The following IL17B variants were observed in gnomAD, a reference collection of about 807,000 sequenced individuals.
The protein encoded by IL17B is interleukin-17B.
A neutral mutation model predicts 14.7 loss-of-function variants in IL17B; 14 were observed. The ratio of observed to expected loss-of-function variants is 0.95; its 90% CI spans 0.63 to 1.49. The LOEUF is 1.49. Among genes scored for constraint, IL17B ranks in the 40% most tolerant of loss-of-function variants. IL17B has a pLI of 0.00. For missense variants in IL17B, 233 were observed against 252.8 expected (o/e 0.92, Z 0.53); for synonymous variants, 105 against 94.8 (o/e 1.11, Z -0.62).
chr5:149,386,608 C>T (rs941011025), intron 1 of IL17B, among the ~76,000 whole-genome samples: 33 of 152,188 alleles, frequency 2.2e-4, no homozygotes, highest in Non-Finnish European at 3.8e-4. Context: ...AAGGAATTAG[C>T]CTATGGACGA....
Position 149,379,244 on chromosome 5 carries a change from C to A in IL17B, c.-19G>T. 6.2e-7 allele frequency: 1 copy of A among 1,613,794 alleles called. No individual in the cohort carries two copies. The highest frequency in any genetic ancestry group is 8.5e-7 in the Non-Finnish European group (1 of 1,179,868). On this transcript the variant is annotated 5_prime_UTR_variant, in exon 1 of 3. Coordinates refer to ENST00000261796, the MANE Select transcript of IL17B (RefSeq NM_014443.3). Reference sequence around the variant, plus strand: ...AGTCCATTCCGCCAAGCTGCAAGGTCAGCCTGCAGCTGCTGCCCGCCTGGA... The same window carrying A: ...AGTCCATTCCGCCAAGCTGCAAGGTAAGCCTGCAGCTGCTGCCCGCCTGGA...
At chr5:149,382,680 C>G (rs1019172276), upstream of IL17B, among the ~76,000 whole-genome samples, 4 of 152,190 alleles carry the variant, frequency 2.6e-5, no homozygotes, top group Non-Finnish European at 4.4e-5. Context: ...GGGGCGGCAG[C>G]CAGGGGTGGA....
At chr5:149,388,713 G>T (rs764129229) in intron 1 of IL17B, among the ~76,000 whole-genome samples, 1 of 152,230 alleles carries the variant, frequency 6.6e-6, no homozygotes, top group Non-Finnish European at 1.5e-5. Flanking sequence ...CATAGCCTGT[G>T]CAGGCTAGCA....
intron 1 of IL17B, among the ~76,000 whole-genome samples, chr5:149,392,947 C>CATGCGTGTGTGT (rs1189412018): frequency 7.5e-4 from 112 of 149,442 alleles, no homozygotes; most frequent in African/African-American, 2.4e-3. Context: ...TGCGTGTGTG[C>CATGCGTGTGTGT]GTGCGTGTGT....
chr5:149,379,932 G>A (rs572593288), upstream of IL17B, among the ~76,000 whole-genome samples: 1 of 152,304 alleles, frequency 6.6e-6, no homozygotes, highest in African/African-American at 2.4e-5. Flanking sequence ...TTTCTTGGGA[G>A]ACTTTCCGCA....
In IL17B at chr5:149,390,217, AC is replaced by A. The variant is rs369377689; in HGVS notation, n.96-13193del. Among the ~76,000 whole-genome samples, 775 of 130,724 alleles carry A rather than the reference AC, an allele frequency of 5.9e-3. 12 individuals are homozygous for A. Among genetic ancestry groups the A allele is most frequent in the African/African-American group, 0.018 (662 of 36,484 alleles). 85.8% of individuals were successfully genotyped at this position (130,724 alleles called of 152,430 possible). ...TCCCCTGCTATTACTGGTATTAGTG[AC>A]CCCCCCCCTCCCTGTCCCTGGGGAA... On this transcript the variant is annotated intron_variant and non_coding_transcript_variant, in intron 1 of 2. Coordinates refer to the IL17B transcript ENST00000505432.
At chr5:149,395,853 AC>A (rs1275633092) in intron 1 of IL17B, among the ~76,000 whole-genome samples, 1 of 152,020 alleles carries the variant, frequency 6.6e-6, no homozygotes, top group Non-Finnish European at 1.5e-5. Flanking sequence ...TTGTATTTTT[AC>A]TACAGATGGG....
intron 1 of IL17B, among the ~76,000 whole-genome samples, chr5:149,378,012 C>T (rs968321163): frequency 4.2e-4 from 64 of 152,016 alleles, no homozygotes; most frequent in African/African-American, 1.4e-3. Context: ...GGTGTGGTGG[C>T]GGGTGCCTGT....
chr5:149,403,002 CAAAA>C (rs36121550), intron 1 of IL17B, among the ~76,000 whole-genome samples: 1 of 60,580 alleles, frequency 1.7e-5, no homozygotes, highest in Non-Finnish European at 3.0e-5. Flanking sequence ...GACTCCATCT[CAAAA>C]AAAAAAAAAA....
intron 1 of IL17B, among the ~76,000 whole-genome samples, chr5:149,393,645 A>C (rs353260): frequency 0.13 from 19,807 of 151,032 alleles, 1,526 homozygotes; most frequent in East Asian, 0.17. Context: ...CTTCTTCCTA[A>C]CTCCCTCCCT....
Position 149,376,901 on chromosome 5 carries a change from A to T in IL17B, c.146T>A (p.Leu49Gln), listed in dbSNP as rs1325508134. 6.2e-7 allele frequency: 1 copy of T among 1,614,130 alleles called. No individual in the cohort carries two copies. The highest frequency in any genetic ancestry group is 8.5e-7 in the Non-Finnish European group (1 of 1,180,008). Residue 49 changes from leucine (L) to glutamine (Q), a missense_variant, in exon 2 of 3, where the codon CTG becomes CAG. Transcript: ENST00000261796. ...APGPHQVPLD[L>Q]VSRMKPYARM... is the part of the protein sequence containing the mutation. The stretch of plus-strand genomic sequence containing the variant: ...GGCATACGGTTTCATCCGTGACACC[A>T]GGTCCAGTGGCACCTGGTGAGGGCC...
intron 1 of IL17B, among the ~76,000 whole-genome samples, chr5:149,385,905 GGAC>G (rs1758817599): frequency 6.6e-6 from 1 of 152,322 alleles, no homozygotes; most frequent in African/African-American, 2.4e-5. Context: ...ACATCTGTGG[GGAC>G]GTGAGAAGAA....
chr5:149,390,231 T>TCC lies in IL17B; in HGVS notation n.96-13207_96-13206insGG, dbSNP rs1491169321. Among the ~76,000 whole-genome samples, 51 of 125,332 alleles carry TCC rather than the reference T, an allele frequency of 4.1e-4. 1 individual carries two copies. The South Asian group carries it at 5.7e-3, about 14-fold the overall frequency. 82.2% of individuals were successfully genotyped at this position (125,332 alleles called of 152,430 possible). A position where few individuals can be genotyped will look rare whatever the true frequency, so the allele number is the denominator to read the frequency against. On this transcript the variant is annotated intron_variant and non_coding_transcript_variant, in intron 1 of 2. Coordinates refer to the IL17B transcript ENST00000505432. Reference sequence around the variant, plus strand: ...TGGTATTAGTGACCCCCCCCCTCCCTGTCCCTGGGGAAAGATGGGTCAGGG... The same window carrying TCC: ...TGGTATTAGTGACCCCCCCCCTCCCTCCGTCCCTGGGGAAAGATGGGTCAGGG...
intron 1 of IL17B, among the ~76,000 whole-genome samples, chr5:149,398,645 G>T (rs1759143963): frequency 6.6e-6 from 1 of 152,192 alleles, no homozygotes; most frequent in African/African-American, 2.4e-5. Context: ...AGTGGCTCAC[G>T]CCTGTAATCC....
intron 1 of IL17B, among the ~76,000 whole-genome samples, chr5:149,386,707 G>A (rs1416548906): frequency 1.3e-5 from 2 of 152,118 alleles, no homozygotes. Context: ...CAGGCACTGG[G>A]GATATAGTGG....
At chr5:149,376,151 G>A (rs1029628088) in intron 2 of IL17B, among the ~76,000 whole-genome samples, 2 of 152,238 alleles carry the variant, frequency 1.3e-5, no homozygotes, top group African/African-American at 4.8e-5. Context: ...AGGAAGCGGA[G>A]CTACAACCAA....
At chr5:149,389,336 G>C (rs2127620563) in intron 1 of IL17B, among the ~76,000 whole-genome samples, 1 of 152,340 alleles carries the variant, frequency 6.6e-6, no homozygotes. Context: ...GTCCAAAGAA[G>C]GAAGATCAAA....
chr5:149,384,521 C>G (rs192616647), intron 1 of IL17B, among the ~76,000 whole-genome samples: 1 of 152,148 alleles, frequency 6.6e-6, no homozygotes, highest in Admixed American at 6.5e-5. Context: ...AAAGCACAGA[C>G]GATGAACCAG....
intron 1 of IL17B, among the ~76,000 whole-genome samples, chr5:149,403,440 G>A (rs1282410638): frequency 1.3e-5 from 2 of 152,060 alleles, no homozygotes; most frequent in African/African-American, 4.8e-5. Context: ...GGATTGCAAG[G>A]CAAATAATTA....
Sources: gnomAD v4.1 joint callset for allele counts (sites outside exome capture counted in the v4.1 genomes callset) on GRCh38, gnomAD v4.1.1 for gene constraint, MANE v1.5 for transcripts, NCBI Gene and HGNC (gene_info 2026-07-23, HGNC 2026-07-21) for gene names.